PLPPR1: variants seen among roughly 807,000 people sequenced by gnomAD.
The protein encoded by PLPPR1 is phospholipid phosphatase-related protein type 1.
A neutral mutation model predicts 33.1 loss-of-function variants in PLPPR1; 10 were observed. The ratio of observed to expected loss-of-function variants is 0.30; its 90% CI spans 0.19 to 0.51. The LOEUF (loss-of-function observed/expected upper bound fraction) is 0.51, where lower values mean the gene tolerates loss of function less well. PLPPR1 is among the 20% of genes least tolerant of loss of function. The pLI, the probability that PLPPR1 is intolerant of heterozygous loss-of-function variation, is 0.97. For synonymous variants in PLPPR1, 151 were observed against 151.0 expected (o/e 1.00, Z 0.00); for missense variants, 304 against 408.1 (o/e 0.74, Z 2.20).
intron 4 of PLPPR1, among the ~76,000 whole-genome samples, chr9:101,288,474 A>G (rs1828433026): frequency 6.6e-6 from 1 of 152,328 alleles, no homozygotes; most frequent in East Asian, 1.9e-4. Flanking sequence ...ATGCTAGAGC[A>G]GAGAGATAGC....
chr9:101,133,110 AT>A (rs975589904), intron 1 of PLPPR1, among the ~76,000 whole-genome samples: 2 of 152,026 alleles, frequency 1.3e-5, no homozygotes, highest in Non-Finnish European at 2.9e-5. Flanking sequence ...GAATAAAATG[AT>A]TTTTTTCTTT....
intron 1 of PLPPR1, among the ~76,000 whole-genome samples, chr9:101,072,771 T>G (rs922063677): frequency 4.6e-5 from 7 of 152,188 alleles, no homozygotes; most frequent in African/African-American, 1.7e-4. Context: ...AGATTGTCAT[T>G]ATGGGCTTTG....
intron 1 of PLPPR1, among the ~76,000 whole-genome samples, chr9:101,161,459 C>T (rs1831771992): frequency 6.6e-6 from 1 of 152,096 alleles, no homozygotes; most frequent in African/African-American, 2.4e-5. Context: ...TACTTGAAAA[C>T]CACATTAACA....
At chr9:101,073,538 G>GTT (rs1458197196) in intron 1 of PLPPR1, among the ~76,000 whole-genome samples, 12 of 151,892 alleles carry the variant, frequency 7.9e-5, no homozygotes, top group Non-Finnish European at 1.5e-4. Context: ...CAGTTCATTA[G>GTT]CTTGAATAAG....
chr9:101,114,700 T>C (rs887003093), intron 1 of PLPPR1, among the ~76,000 whole-genome samples: 5 of 152,218 alleles, frequency 3.3e-5, no homozygotes, highest in Non-Finnish European at 7.3e-5. Context: ...ATTTGAACTT[T>C]ATCTGGTTCT....
At chr9:101,280,211 A>T (rs1049018950) in intron 3 of PLPPR1, among the ~76,000 whole-genome samples, 1 of 152,112 alleles carries the variant, frequency 6.6e-6, no homozygotes, top group African/African-American at 2.4e-5. Context: ...AACTCTAGAC[A>T]TATACAACTT....
chr9:101,133,550 A>AT (rs140621055), intron 1 of PLPPR1, among the ~76,000 whole-genome samples: 7,809 of 152,278 alleles, frequency 0.051, 693 homozygotes, highest in African/African-American at 0.18. Flanking sequence ...ACTATACATG[A>AT]TATTTACATG....
intron 1 of PLPPR1, among the ~76,000 whole-genome samples, chr9:101,094,835 T>A (rs1276579640): frequency 6.6e-6 from 1 of 152,122 alleles, no homozygotes; most frequent in Non-Finnish European, 1.5e-5. Flanking sequence ...ACAATCCCAT[T>A]TTCTTGCTTC....
intron 2 of PLPPR1, among the ~76,000 whole-genome samples, chr9:101,238,079 TATATAC>T (rs1554682692): frequency 7.2e-6 from 1 of 138,452 alleles, no homozygotes; most frequent in East Asian, 2.3e-4. Context: ...TGTGTGTATA[TATATAC>T]ATATACATAC....
At chr9:101,300,464 A>G (rs149861275) in intron 4 of PLPPR1, among the ~76,000 whole-genome samples, 1 of 152,168 alleles carries the variant, frequency 6.6e-6, no homozygotes, top group African/African-American at 2.4e-5. Context: ...AGCAGAAACT[A>G]TTTAAGTTAT....
rs185748216 is a variant in PLPPR1, at chr9:101,133,724, T to C, written c.-45-51726T>C. 3.9e-5 allele frequency among the ~76,000 whole-genome samples: 6 copies of C among 152,334 alleles called. No homozygotes were observed. In the East Asian group the frequency reaches 1.2e-3, roughly 29 times the overall value. ...CCTTCCACACTAGAAAGAGGATGAC[T>C]GTTGTATGCCTACTATACTTGAGTT... On this transcript the variant is annotated intron_variant, in intron 1 of 7. Transcript: ENST00000374874.
chr9:101,063,933 C>T (rs989771302), intron 1 of PLPPR1, among the ~76,000 whole-genome samples: 4 of 152,066 alleles, frequency 2.6e-5, no homozygotes, highest in African/African-American at 9.7e-5. Context: ...GTCTTTTACA[C>T]TATTGAATTC....
intron 3 of PLPPR1, 41 bp downstream of exon 3, chr9:101,270,109 C>G: frequency 6.3e-7 from 1 of 1,591,472 alleles, no homozygotes; most frequent in Non-Finnish European, 8.6e-7. Context: ...TGTCAGATAC[C>G]CAAGAATATT....
At chr9:101,143,714 T>A (rs570767689) in intron 1 of PLPPR1, among the ~76,000 whole-genome samples, 4 of 152,004 alleles carry the variant, frequency 2.6e-5, no homozygotes, top group Admixed American at 1.3e-4. Context: ...GAAATGCAAA[T>A]CAAAACCACA....
rs750570003 is a variant in PLPPR1, at chr9:101,309,243, A to G, written c.418A>G (p.Ile140Val). 3.1e-6 allele frequency: 5 copies of G among 1,613,994 alleles called. No individual in the cohort carries two copies. Among genetic ancestry groups the G allele is most frequent in the Non-Finnish European group, 2.5e-6 (3 of 1,180,016 alleles). Residue 140 changes from isoleucine to valine, a missense_variant, in exon 5 of 8, where the codon ATT (isoleucine) becomes GTT (valine). By Grantham distance (29) the Ile-to-Val change is conservative. Transcript: ENST00000374874. Reference protein sequence around the residue: ...VFAFGLFATDIFVNAGQVVTG... With the variant: ...VFAFGLFATDVFVNAGQVVTG... ...TGCATTTGGACTTTTTGCTACTGAC[A>G]TTTTTGTAAACGCCGGACAAGTGGT...
chr9:101,063,715 A>AT (rs1830374270), intron 1 of PLPPR1, among the ~76,000 whole-genome samples: 1 of 151,882 alleles, frequency 6.6e-6, no homozygotes, highest in Admixed American at 6.6e-5. Flanking sequence ...TTGTCTGGTC[A>AT]TTTTTCTTTT....
Position 101,286,211 on chromosome 9 carries a change from A to G in PLPPR1, c.360A>G (p.Leu120=). The G allele has an allele frequency of 1.2e-6, 2 of 1,613,746 alleles. No individual in the cohort carries two copies. The highest frequency in any genetic ancestry group is 8.5e-7 in the Non-Finnish European group (1 of 1,179,704). ...LTGECCYLNP[L]LRRIIRFTGV... ...GAGAATGCTGTTACCTGAACCCCTT[A>G]CTTCGAAGGATCATAAGATTCACAG... The change falls in exon 4 of 8, where the codon TTA becomes TTG. Residue 120 remains leucine (L), a synonymous_variant. Coordinates refer to ENST00000374874, the MANE Select transcript of PLPPR1 (RefSeq NM_207299.2).
At chr9:101,065,683 C>T (rs550727349) in intron 1 of PLPPR1, among the ~76,000 whole-genome samples, 3 of 152,126 alleles carry the variant, frequency 2.0e-5, no homozygotes, top group South Asian at 4.1e-4. Flanking sequence ...TTAGATTACT[C>T]CAAGTTCCAA....
At chr9:101,206,862 G>T (rs994536459) in intron 2 of PLPPR1, among the ~76,000 whole-genome samples, 3 of 152,090 alleles carry the variant, frequency 2.0e-5, no homozygotes, top group African/African-American at 7.2e-5. Context: ...CCAGGACCTT[G>T]ACATCCTTTC....
Sources: gnomAD v4.1 joint callset for allele counts (sites outside exome capture counted in the v4.1 genomes callset) on GRCh38, gnomAD v4.1.1 for gene constraint, MANE v1.5 for transcripts, NCBI Gene and HGNC (gene_info 2026-07-23, HGNC 2026-07-21) for gene names.